TBCA: variants seen among roughly 807,000 people sequenced by gnomAD.
The protein encoded by TBCA is tubulin-specific chaperone A.
A neutral mutation model predicts 15.8 loss-of-function variants in TBCA; 6 were observed. The observed-to-expected ratio is 0.38, with a 90% CI of 0.21 to 0.75. The LOEUF (loss-of-function observed/expected upper bound fraction) is 0.75, where lower values mean the gene tolerates loss of function less well. Among genes scored for constraint, TBCA ranks in the 30% least tolerant of loss-of-function variants. The pLI is 0.46. For synonymous variants in TBCA, 32 were observed against 42.3 expected (o/e 0.76, Z 0.94); for missense variants, 90 against 131.2 (o/e 0.69, Z 1.53).
intron 1 of TBCA, among the ~76,000 whole-genome samples, chr5:77,737,572 C>G (rs35438369): frequency 0.11 from 16,248 of 152,218 alleles, 935 homozygotes; most frequent in Middle Eastern, 0.13. Context: ...CTTAATTTCC[C>G]TGTCTCAGGT....
At chr5:77,693,799 CAAAAAAA>C (rs70991303) in intron 2 of TBCA, among the ~76,000 whole-genome samples, 13 of 77,962 alleles carry the variant, frequency 1.7e-4, no homozygotes, top group African/African-American at 4.4e-4. Context: ...AACTCCATCT[CAAAAAAA>C]AAAAAAAAAA....
intron 1 of TBCA, among the ~76,000 whole-genome samples, chr5:77,716,953 A>G (rs1746411571): frequency 6.6e-6 from 1 of 152,162 alleles, no homozygotes. Context: ...AAAGCTACAT[A>G]AGAGACATCT....
At chr5:77,716,470 TATG>T (rs1281006061) in intron 1 of TBCA, among the ~76,000 whole-genome samples, 1 of 152,160 alleles carries the variant, frequency 6.6e-6, no homozygotes, top group Non-Finnish European at 1.5e-5. Context: ...AAAAATTAAA[TATG>T]ATGATAAAAG....
chr5:77,699,033 CAAAAAAAAAAAAA>C (rs71608119), intron 2 of TBCA, among the ~76,000 whole-genome samples: 10 of 70,100 alleles, frequency 1.4e-4, no homozygotes, highest in African/African-American at 2.6e-4. Flanking sequence ...GCAAGAGCAT[CAAAAAAAAAAAAA>C]AAAAAAAAAA....
chr5:77,712,565 T>C (rs1010815900), intron 1 of TBCA, among the ~76,000 whole-genome samples: 1 of 152,040 alleles, frequency 6.6e-6, no homozygotes, highest in African/African-American at 2.4e-5. Context: ...TACATATTTA[T>C]AAAAAATTAT....
At chr5:77,728,954 CAT>C (rs1746694797) in intron 1 of TBCA, among the ~76,000 whole-genome samples, 1 of 152,114 alleles carries the variant, frequency 6.6e-6, no homozygotes. Flanking sequence ...GGCAGAATAA[CAT>C]TGATTAATGA....
At chr5:77,705,715 C>T in intron 2 of TBCA, 1 of 395,110 alleles carries the variant, frequency 2.5e-6, no homozygotes, top group African/African-American at 2.1e-5. Flanking sequence ...GTAGTCCCAG[C>T]TACTCTGGAG....
rs180921729 is a variant in TBCA, at chr5:77,766,793, G to A, written c.53+9412C>T. Among the ~76,000 whole-genome samples the A allele has an allele frequency of 4.6e-5, 7 of 151,298 alleles. 3 individuals are homozygous for A. Among genetic ancestry groups the A allele is most frequent in the Non-Finnish European group, 1.0e-4 (7 of 67,834 alleles). On this transcript the variant is annotated intron_variant, in intron 1 of 3. Transcript: ENST00000380377. ...ATTACAGGCGTGAGCCACCGCGCCCGGCTCTCACTTTTATTTATAAAGCAA... is the reference window on the plus strand; with the variant it reads ...ATTACAGGCGTGAGCCACCGCGCCCAGCTCTCACTTTTATTTATAAAGCAA...
At chr5:77,747,135 C>T (rs1281609830) in intron 1 of TBCA, among the ~76,000 whole-genome samples, 2 of 151,990 alleles carry the variant, frequency 1.3e-5, no homozygotes, top group African/African-American at 4.8e-5. Context: ...CTCATACATA[C>T]ATACACTTAC....
At chr5:77,712,643 CAAAG>C (rs1025795753) in intron 1 of TBCA, among the ~76,000 whole-genome samples, 21 of 151,864 alleles carry the variant, frequency 1.4e-4, no homozygotes, top group African/African-American at 5.1e-4. Context: ...TTTTGAAACC[CAAAG>C]AAGTTTTAAA....
At chr5:77,756,531 G>A (rs1440608116) in intron 1 of TBCA, among the ~76,000 whole-genome samples, 1 of 151,894 alleles carries the variant, frequency 6.6e-6, no homozygotes, top group Non-Finnish European at 1.5e-5. Context: ...ACAAGCCAAT[G>A]GAGATTAATT....
At chr5:77,733,507 G>C (rs1467085637) in intron 1 of TBCA, among the ~76,000 whole-genome samples, 1 of 152,206 alleles carries the variant, frequency 6.6e-6, no homozygotes, top group Non-Finnish European at 1.5e-5. Context: ...GATCTGGATA[G>C]ATCAAACCAG....
At chr5:77,765,146 A>C (rs183420005) in intron 1 of TBCA, among the ~76,000 whole-genome samples, 7 of 152,366 alleles carry the variant, frequency 4.6e-5, no homozygotes, top group Non-Finnish European at 1.5e-5. Context: ...TTATGTCTGG[A>C]AGAGAAGCAG....
intron 1 of TBCA, among the ~76,000 whole-genome samples, chr5:77,732,495 G>A (rs1256070063): frequency 7.0e-6 from 1 of 142,162 alleles, no homozygotes; most frequent in Admixed American, 7.4e-5. Flanking sequence ...AGCTTGCAGT[G>A]AGCAGAGATC....
At chr5:77,754,238 T>C (rs1346584435) in intron 1 of TBCA, among the ~76,000 whole-genome samples, 2 of 152,236 alleles carry the variant, frequency 1.3e-5, no homozygotes, top group Non-Finnish European at 2.9e-5. Context: ...TACTTTTCTT[T>C]AACCTTTCTT....
chr5:77,770,376 G>A (rs150580504), intron 1 of TBCA, among the ~76,000 whole-genome samples: 13 of 152,276 alleles, frequency 8.5e-5, no homozygotes, highest in African/African-American at 2.4e-4. Flanking sequence ...ACTCACAGTT[G>A]TACTATCTGT....
intron 1 of TBCA, among the ~76,000 whole-genome samples, chr5:77,758,165 G>A (rs1747520543): frequency 6.6e-6 from 1 of 152,086 alleles, no homozygotes; most frequent in Admixed American, 6.5e-5. Context: ...AGGGAAGAGA[G>A]AGACCCTCTC....
At chr5:77,749,852 G>A (rs1275751273) in intron 1 of TBCA, among the ~76,000 whole-genome samples, 2 of 152,144 alleles carry the variant, frequency 1.3e-5, no homozygotes, top group Non-Finnish European at 2.9e-5. Context: ...AATGTGGTAT[G>A]TCCATTCCGA....
intron 3 of TBCA, chr5:77,692,800 G>A: frequency 9.6e-7 from 1 of 1,046,526 alleles, no homozygotes; most frequent in Non-Finnish European, 1.2e-6. Context: ...TAGTATGAGG[G>A]GACTACATAG....
Sources: allele counts gnomAD v4.1 joint callset (sites outside exome capture counted in the v4.1 genomes callset), GRCh38; gene constraint gnomAD v4.1.1; transcripts MANE v1.5; gene names NCBI Gene and HGNC (gene_info 2026-07-23, HGNC 2026-07-21).